The following SPNS1 variants were observed in gnomAD, a reference collection of about 807,000 sequenced individuals.
SPNS1 encodes the protein protein spinster homolog 1.
SPNS1 carries 22 observed loss-of-function variants against 50.3 expected under a neutral mutation model. The observed-to-expected ratio is 0.44, with a 90% CI of 0.31 to 0.62. The LOEUF (loss-of-function observed/expected upper bound fraction) is 0.62, where lower values mean the gene tolerates loss of function less well. Among genes scored for constraint, SPNS1 ranks in the 20% least tolerant of loss-of-function variants. The pLI is 0.07. For missense variants in SPNS1, 576 were observed against 728.6 expected (o/e 0.79, Z 2.41); for synonymous variants, 295 against 317.4 (o/e 0.93, Z 0.75).
rs757179508 is a variant in SPNS1 at position 28,982,932 on chromosome 16, T to G, written c.1221+10T>G. 4.3e-6 allele frequency: 7 copies of G among 1,613,686 alleles called. No homozygotes were observed. The highest frequency in any genetic ancestry group is 5.9e-6 in the Non-Finnish European group (7 of 1,179,946). Reference sequence around the variant, plus strand: ...GGCCGACATTCTGCTGGTGAGTTGCTGGGCAGCTCCAGGGTCAGCGCAGAG... The same window carrying G: ...GGCCGACATTCTGCTGGTGAGTTGCGGGGCAGCTCCAGGGTCAGCGCAGAG... On this transcript the variant is annotated intron_variant, in intron 9 of 11. Coordinates refer to ENST00000311008, the MANE Select transcript of SPNS1 (RefSeq NM_032038.3).
Position 28,981,355 on chromosome 16 carries a change from C to T in SPNS1, c.664-115C>T. The T allele has an allele frequency of 5.0e-6, 7 of 1,392,546 alleles. No homozygotes were observed. Among genetic ancestry groups the T allele is most frequent in the Non-Finnish European group, 6.8e-6 (7 of 1,023,896 alleles). The allele number at this position is 1,392,546 out of a possible 1,614,324, so 86.3% of individuals were successfully genotyped here. A position where few individuals can be genotyped will look rare whatever the true frequency, so the allele number is the denominator to read the frequency against. ...CAGGTTCGGCTTCTTGGAGCAGGCA[C>T]TTAACTGGGTATTTTAGGTCTCAGG... On this transcript the variant is annotated intron_variant, in intron 5 of 11. Transcript: ENST00000311008. The surrounding 1 kb of genome is among the most constrained non-coding windows in gnomAD (Gnocchi z 4.2).
Position 28,983,535 on chromosome 16 carries a change from T to C in SPNS1, c.1320+245T>C, listed in dbSNP as rs74014835. Among the ~76,000 whole-genome samples, 1,161 of 152,274 alleles carry C rather than the reference T, an allele frequency of 7.6e-3. 13 individuals are homozygous for C. Among genetic ancestry groups the C allele is most frequent in the African/African-American group, 0.027 (1,124 of 41,554 alleles). On this transcript the variant is annotated intron_variant, in intron 10 of 11. Transcript: ENST00000311008. This position sits in a 1 kb window ranked among gnomAD's most constrained non-coding sequence, Gnocchi z 5.4. ...TTTTCTTCCTGAGACAAGACCTCACTCTGTTGCCCAGGCTGCAGTGTAGTG... is the reference window on the plus strand; with the variant it reads ...TTTTCTTCCTGAGACAAGACCTCACCCTGTTGCCCAGGCTGCAGTGTAGTG...
rs375714961 is a variant in SPNS1, at chr16:28,981,435, T to C, written c.664-35T>C. 8 of 1,613,086 alleles carry C rather than the reference T, an allele frequency of 5.0e-6. No homozygotes were observed. In the African/African-American group the frequency reaches 1.1e-4, roughly 22 times the overall value. On this transcript the variant is annotated intron_variant, in intron 5 of 11. Transcript: ENST00000311008. This position sits in a 1 kb window ranked among gnomAD's most constrained non-coding sequence, Gnocchi z 4.2. ...CCAGCCCAGGGCTTGAGTGTGTCTC[T>C]CCCTGTGCCTATCCTGAAGCCCTCT...
In SPNS1 at chr16:28,975,128, G is replaced by A; in HGVS notation, c.-24G>A. On this transcript the variant is annotated 5_prime_UTR_variant, in exon 1 of 12. Transcript: ENST00000311008. Reference sequence around the variant, plus strand: ...GGGATCGTCGGTGGGACCGGAGCGCGGGCGGGCGCGGCCCCCCGGGACCAT... The same window carrying A: ...GGGATCGTCGGTGGGACCGGAGCGCAGGCGGGCGCGGCCCCCCGGGACCAT... 7 of 1,468,600 alleles carry A rather than the reference G, an allele frequency of 4.8e-6. No homozygotes were observed. Among genetic ancestry groups the A allele is most frequent in the Non-Finnish European group, 6.3e-6 (7 of 1,114,196 alleles). 91.0% of individuals were successfully genotyped at this position (1,468,600 alleles called of 1,614,324 possible). A position where few individuals can be genotyped will look rare whatever the true frequency, so the allele number is the denominator to read the frequency against.
chr16:28,977,893 T>C lies in SPNS1; in HGVS notation c.308-15T>C. On this transcript the variant is annotated splice_polypyrimidine_tract_variant and intron_variant, in intron 2 of 11. Transcript: ENST00000311008. ...GGGTACCTGGGCTGAGCTGTGACTC[T>C]CTGCTTCCCCCTAGTGTTCATCTCC... 1.2e-6 allele frequency: 2 copies of C among 1,612,812 alleles called. No individual in the cohort carries two copies. Among genetic ancestry groups the C allele is most frequent in the Middle Eastern group, 3.3e-4 (2 of 6,048 alleles).
Position 28,975,276 on chromosome 16 carries a change from C to G in SPNS1, c.125C>G (p.Pro42Arg). 2 of 1,569,486 alleles carry G rather than the reference C, an allele frequency of 1.3e-6. No individual in the cohort carries two copies. Among genetic ancestry groups the G allele is most frequent in the African/African-American group, 2.7e-5 (2 of 74,042 alleles). The change falls in exon 1 of 12, where the codon CCG becomes CGG. Residue 42 changes from proline to arginine, a missense_variant. Pro to Arg is a moderately radical substitution (Grantham distance 103, BLOSUM62 -2). Around this residue, in one of 3 missense-constraint regions of SPNS1, gnomAD observed 144 missense variants for 181.2 expected, o/e 0.79. Coordinates refer to ENST00000311008, the MANE Select transcript of SPNS1 (RefSeq NM_032038.3). Reference sequence around the variant, plus strand: ...CCGAAGTCCGAGGAGCCCGAGGTCCCGGACCAGGAGGGGCTGCAGCGCATC... The same window carrying G: ...CCGAAGTCCGAGGAGCCCGAGGTCCGGGACCAGGAGGGGCTGCAGCGCATC... Reference protein sequence around the residue: ...GNPKSEEPEVPDQEGLQRITG... With the variant: ...GNPKSEEPEVRDQEGLQRITG...
In SPNS1 at chr16:28,979,414, C is replaced by T. The variant is rs768187232; in HGVS notation, c.606C>T (p.Gly202=). ...TCTCTCCCTCCCACAGTGGTCTGGG[C>T]TACATTGCAGGCTCCAAAGTGAAGG... ...YFAIPVGSGL[G]YIAGSKVKDM... Residue 202 remains glycine (G), a synonymous_variant, in exon 5 of 12, where the codon GGC becomes GGT. Transcript: ENST00000311008. The T allele has an allele frequency of 2.5e-6, 4 of 1,614,020 alleles. No individual in the cohort carries two copies. In the African/African-American group the frequency reaches 4.0e-5, roughly 16 times the overall value.
At position 28,975,269 on chromosome 16, in the gene SPNS1, G is replaced by C. The variant is rs1292843126; in HGVS notation, c.118G>C (p.Glu40Gln). 5.1e-6 allele frequency: 8 copies of C among 1,562,690 alleles called. 1 individual carries two copies. The highest frequency in any genetic ancestry group is 4.0e-4 in the Middle Eastern group (2 of 4,966). ...STGNPKSEEP[E>Q]VPDQEGLQRI... ...GGGGAACCCGAAGTCCGAGGAGCCC[G>C]AGGTCCCGGACCAGGAGGGGCTGCA... The change falls in exon 1 of 12, where the codon GAG becomes CAG. Residue 40 changes from glutamate (E) to glutamine (Q), a missense_variant. By Grantham distance (29) the Glu-to-Gln change is conservative (BLOSUM62 2). Around this residue, in one of 3 missense-constraint regions of SPNS1, gnomAD observed 144 missense variants for 181.2 expected, o/e 0.79. Transcript: ENST00000311008.
intron 2 of SPNS1, 80 bp from the exon 3 acceptor site, chr16:28,977,828 G>T: frequency 6.4e-7 from 1 of 1,559,370 alleles, no homozygotes; most frequent in East Asian, 2.3e-5. Flanking sequence ...GGCATCTCCT[G>T]TGCTTTAGTG....
chr16:28,981,939 T>C lies in SPNS1; in HGVS notation c.848T>C (p.Val283Ala). ...FVLSSLGFTA[V>A]AFVTGSLALW... ...CTGTCTTCCCTGGGCTTCACTGCTG[T>C]GGCCTTTGTCACGGGCTCCCTGGCT... The change falls in exon 7 of 12, where the codon GTG (valine) becomes GCG (alanine). Residue 283 changes from valine (V) to alanine (A), a missense_variant. Physicochemically the swap from Val to Ala is moderately conservative, Grantham distance 64. This residue lies in a region of SPNS1 where 428 missense variants were observed against 520.1 expected (regional missense o/e 0.82). Coordinates refer to ENST00000311008, the MANE Select transcript of SPNS1 (RefSeq NM_032038.3). This position sits in a 1 kb window ranked among gnomAD's most constrained non-coding sequence, Gnocchi z 4.2. 1 of 1,614,234 alleles carries C rather than the reference T, an allele frequency of 6.2e-7. No individual in the cohort carries two copies. Among genetic ancestry groups the C allele is most frequent in the Non-Finnish European group, 8.5e-7 (1 of 1,180,032 alleles).
rs1002817260 is a variant in SPNS1 at position 28,977,917 on chromosome 16, C to G, written c.317C>G (p.Ser106Cys). ...CTCTGCTTCCCCCTAGTGTTCATCT[C>G]CAGTTACATGGTGTTGGCACCTGTG... is the stretch of plus-strand genomic sequence containing the variant. ...SSGLIQTVFI[S>C]SYMVLAPVFG... Residue 106 changes from serine (S) to cysteine (C), a missense_variant, in exon 3 of 12, where the codon TCC becomes TGC. Ser to Cys is a moderately radical substitution (Grantham distance 112, BLOSUM62 -1). Transcript: ENST00000311008. 2 of 1,613,746 alleles carry G rather than the reference C, an allele frequency of 1.2e-6. No individual in the cohort carries two copies. Among genetic ancestry groups the G allele is most frequent in the Non-Finnish European group, 1.7e-6 (2 of 1,179,846 alleles).
intron 2 of SPNS1, among the ~76,000 whole-genome samples, chr16:28,977,084 C>A (rs1255118858): frequency 6.6e-6 from 1 of 152,142 alleles, no homozygotes; most frequent in South Asian, 2.1e-4. Flanking sequence ...CTTTGGGAGG[C>A]CGAGGCGGGT....
chr16:28,984,476 A>T lies in SPNS1; in HGVS notation c.*177A>T, dbSNP rs773502111. On this transcript the variant is annotated 3_prime_UTR_variant, in exon 12 of 12. Coordinates refer to ENST00000311008, the MANE Select transcript of SPNS1 (RefSeq NM_032038.3). The stretch of plus-strand genomic sequence containing the variant: ...GAGGAGGTGGGGGTCCAGGAGGGGG[A>T]TCCCTCTCCACAGGGGCAGCCCCAA... The T allele has an allele frequency of 1.4e-6, 1 of 725,228 alleles. No homozygotes were observed. The highest frequency in any genetic ancestry group is 2.7e-5 in the East Asian group (1 of 37,414). 44.9% of individuals were successfully genotyped at this position (725,228 alleles called of 1,614,324 possible).
In SPNS1 at chr16:28,981,728, A is replaced by T. The variant is rs6565300; in HGVS notation, c.809+113A>T. The T allele has an allele frequency of 2.6e-6, 4 of 1,519,392 alleles. No homozygotes were observed. In the African/African-American group the frequency reaches 4.1e-5, roughly 16 times the overall value. 94.1% of individuals were successfully genotyped at this position (1,519,392 alleles called of 1,614,324 possible). ...CACCCCAAGGCCAGTAATTCGGTCG[A>T]TACTGTCCCCTTGTGGCAGCTGCTT... On this transcript the variant is annotated intron_variant, in intron 6 of 11. Transcript: ENST00000311008. This position sits in a 1 kb window ranked among gnomAD's most constrained non-coding sequence, Gnocchi z 4.2.
At chr16:28,979,703 A>T in intron 5 of SPNS1, 1 of 534,814 alleles carries the variant, frequency 1.9e-6, no homozygotes, top group Non-Finnish European at 3.4e-6. Flanking sequence ...GGTGCCCGCC[A>T]CCATGCCTGG....
chr16:28,984,349 C>T lies in SPNS1; in HGVS notation c.*50C>T, dbSNP rs1965682356. 7 of 1,569,524 alleles carry T rather than the reference C, an allele frequency of 4.5e-6. No homozygotes were observed. The East Asian group carries it at 1.6e-4, about 36-fold the overall frequency. On this transcript the variant is annotated 3_prime_UTR_variant, in exon 12 of 12. Transcript: ENST00000311008. Reference sequence around the variant, plus strand: ...CATCTGCCACAGCTGGCCCTGGGCCCACCCCACGAAGGGCCTGGGCCTAAC... The same window carrying T: ...CATCTGCCACAGCTGGCCCTGGGCCTACCCCACGAAGGGCCTGGGCCTAAC...
At chr16:28,978,157 G>T in intron 3 of SPNS1, 113 bp downstream of exon 3, 1 of 1,429,008 alleles carries the variant, frequency 7.0e-7, no homozygotes. Flanking sequence ...CAGTTTCCCT[G>T]GTCCATGCCA....
Position 28,984,323 on chromosome 16 carries a change from A to G in SPNS1, c.*24A>G. ...GAGAGGCTGCCGCTCACCTACCTGC[A>G]CATCTGCCACAGCTGGCCCTGGGCC... On this transcript the variant is annotated 3_prime_UTR_variant, in exon 12 of 12. Transcript: ENST00000311008. 6.2e-7 allele frequency: 1 copy of G among 1,605,984 alleles called. No homozygotes were observed. Among genetic ancestry groups the G allele is most frequent in the Non-Finnish European group, 8.5e-7 (1 of 1,177,292 alleles).
In SPNS1 at chr16:28,982,963, T is replaced by G. The variant is rs746680129; in HGVS notation, c.1221+41T>G. ...GCTCCAGGGTCAGCGCAGAGGCTGATGAGAGCAGAGTTGGGGTCAGGAGTG... is the reference window on the plus strand; with the variant it reads ...GCTCCAGGGTCAGCGCAGAGGCTGAGGAGAGCAGAGTTGGGGTCAGGAGTG... On this transcript the variant is annotated intron_variant, in intron 9 of 11. Transcript: ENST00000311008. 8.7e-6 allele frequency: 14 copies of G among 1,609,158 alleles called. No homozygotes were observed. The East Asian group carries it at 2.9e-4, about 33-fold the overall frequency.
Sources: gnomAD v4.1 joint callset for allele counts (sites outside exome capture counted in the v4.1 genomes callset) on GRCh38, gnomAD v4.1.1 for gene constraint, gnomAD v4.1.1 regional missense constraint, Gnocchi (gnomAD v3.1) non-coding constraint, MANE v1.5 for transcripts, NCBI Gene and HGNC (gene_info 2026-07-23, HGNC 2026-07-21) for gene names.